CNTN3: variants seen among roughly 807,000 people sequenced by gnomAD.
CNTN3 encodes the protein contactin-3.
CNTN3 carries 60 observed loss-of-function variants against 119.1 expected under a neutral mutation model. That is an observed-to-expected ratio of 0.50 (90% confidence interval 0.41 to 0.62). The LOEUF is 0.62. Among genes scored for constraint, CNTN3 ranks in the 20% least tolerant of loss-of-function variants. CNTN3 has a pLI of 0.00. For synonymous variants in CNTN3, 450 were observed against 438.7 expected (o/e 1.03, Z -0.32); for missense variants, 1,101 against 1,242.4 (o/e 0.89, Z 1.71).
chr3:74,279,152 C>A (rs961337591), intron 20 of CNTN3, among the ~76,000 whole-genome samples: 1 of 152,058 alleles, frequency 6.6e-6, no homozygotes, highest in Non-Finnish European at 1.5e-5. Flanking sequence ...CACTTCTACA[C>A]TGCTGGTGGA....
chr3:74,327,966 T>C (rs987236017), intron 13 of CNTN3, among the ~76,000 whole-genome samples: 1 of 151,824 alleles, frequency 6.6e-6, no homozygotes, highest in Non-Finnish European at 1.5e-5. Flanking sequence ...TCTTCATTGG[T>C]ATATTCTGTA....
intron 3 of CNTN3, among the ~76,000 whole-genome samples, chr3:74,495,634 C>T (rs6549603): frequency 0.84 from 127,550 of 151,922 alleles, 54,196 homozygotes; most frequent in Non-Finnish European, 0.91. Context: ...GAATTTAGCA[C>T]ATTATTTTAT....
intron 13 of CNTN3, among the ~76,000 whole-genome samples, chr3:74,316,489 A>C (rs547558750): frequency 2.1e-4 from 32 of 152,310 alleles, no homozygotes; most frequent in African/African-American, 7.0e-4. Flanking sequence ...TACTAGGTAC[A>C]TAACCAGAGG....
At chr3:74,506,136 T>C (rs1703255255) in intron 2 of CNTN3, among the ~76,000 whole-genome samples, 1 of 152,182 alleles carries the variant, frequency 6.6e-6, no homozygotes, top group South Asian at 2.1e-4. Context: ...TCCACACATA[T>C]AAAAATATAT....
At chr3:74,410,750 T>C (rs79127980) in intron 5 of CNTN3, among the ~76,000 whole-genome samples, 2,293 of 152,222 alleles carry the variant, frequency 0.015, 35 homozygotes, top group Middle Eastern at 0.041. Context: ...TACAGATGAT[T>C]GATGGACTAG....
At chr3:74,460,779 ATAT>A (rs1702351557) in intron 4 of CNTN3, among the ~76,000 whole-genome samples, 1 of 5,264 alleles carries the variant, frequency 1.9e-4, no homozygotes, top group African/African-American at 1.2e-3. Context: ...TTTCATATAT[ATAT>A]ATATATATAT....
At chr3:74,343,400 G>A (rs1308745638) in intron 11 of CNTN3, among the ~76,000 whole-genome samples, 1 of 152,172 alleles carries the variant, frequency 6.6e-6, no homozygotes, top group Non-Finnish European at 1.5e-5. Flanking sequence ...CTTTCTCTGG[G>A]GAGTCATTAG....
At position 74,299,473 on chromosome 3, in the gene CNTN3, C is replaced by T. The variant is rs139143839; in HGVS notation, c.2166+395G>A. ...GCTGCTTGGAAAGTCATAAGGGGAG[C>T]TTGAGGGGCAACAGCCGCAACATAA... On this transcript the variant is annotated intron_variant, in intron 17 of 22. Coordinates refer to ENST00000263665, the MANE Select transcript of CNTN3 (RefSeq NM_020872.3). Among the ~76,000 whole-genome samples the T allele has an allele frequency of 2.5e-3, 383 of 152,244 alleles. 3 individuals are homozygous for T. The highest frequency in any genetic ancestry group is 8.7e-3 in the African/African-American group (363 of 41,532).
At chr3:74,533,242 A>G (rs1703717834) in intron 1 of CNTN3, among the ~76,000 whole-genome samples, 1 of 152,042 alleles carries the variant, frequency 6.6e-6, no homozygotes, top group Admixed American at 6.6e-5. Context: ...GGAGCTCTGG[A>G]AACCAACTGC....
rs1553683461 is a variant in CNTN3, at chr3:74,582,783, T to TTTTGTGTGTGTG, written c.-81+31607_-81+31608insCACACACACAAA. On this transcript the variant is annotated intron_variant, in intron 1 of 22. Transcript: ENST00000263665. Reference sequence around the variant, plus strand: ...ACCCATCAAGTGCATGTGTATGCATTTGTGTGTGTGTGTGTGTGTGTGTGT... The same window carrying TTTTGTGTGTGTG: ...ACCCATCAAGTGCATGTGTATGCATTTTTGTGTGTGTGTGTGTGTGTGTGTGTGTGTGTGTGT... Among the ~76,000 whole-genome samples the TTTTGTGTGTGTG allele has an allele frequency of 2.1e-5, 3 of 145,094 alleles. No homozygotes were observed. The East Asian group carries it at 6.1e-4, about 29-fold the overall frequency.
chr3:74,322,077 T>C (rs536546307), intron 13 of CNTN3, among the ~76,000 whole-genome samples: 32 of 151,412 alleles, frequency 2.1e-4, no homozygotes, highest in South Asian at 4.2e-4. Context: ...TCCCAGCTAC[T>C]TGGGGAGCTG....
At chr3:74,508,705 T>C (rs1703310197) in intron 2 of CNTN3, among the ~76,000 whole-genome samples, 1 of 152,162 alleles carries the variant, frequency 6.6e-6, no homozygotes, top group South Asian at 2.1e-4. Flanking sequence ...ATGTGCTTTA[T>C]CCTACTTTTA....
rs769666687 is a variant in CNTN3 at position 74,285,449 on chromosome 3, T to C, written c.2560A>G (p.Lys854Glu). 1 of 1,612,882 alleles carries C rather than the reference T, an allele frequency of 6.2e-7. No individual in the cohort carries two copies. The highest frequency in any genetic ancestry group is 8.5e-7 in the Non-Finnish European group (1 of 1,179,422). ...GTCTCATTTCCTGCCACTTTCATCT[T>C]ACTGGATGATTCCTCCTTTCCACCC... ...NGGGKEESSS[K>E]MKVAGNETSA... Residue 854 changes from lysine (K) to glutamate (E), a missense_variant, in exon 20 of 23, where the codon AAG becomes GAG. Physicochemically the swap from Lys to Glu is moderately conservative, Grantham distance 56. Transcript: ENST00000263665.
At chr3:74,440,287 T>C (rs1256184228) in intron 4 of CNTN3, among the ~76,000 whole-genome samples, 2 of 152,106 alleles carry the variant, frequency 1.3e-5, no homozygotes, top group Admixed American at 1.3e-4. Context: ...TATTAGTACA[T>C]AAATAGATGT....
At chr3:74,479,688 G>A (rs983691745) in intron 4 of CNTN3, among the ~76,000 whole-genome samples, 1 of 151,942 alleles carries the variant, frequency 6.6e-6, no homozygotes, top group Admixed American at 6.6e-5. Flanking sequence ...GTGTTGGGGG[G>A]TGGACACAGC....
At chr3:74,486,352 A>G (rs2107043261) in intron 4 of CNTN3, 104 bp downstream of exon 4, 1 of 1,019,460 alleles carries the variant, frequency 9.8e-7, no homozygotes, top group Non-Finnish European at 1.4e-6. Context: ...TATTTACTGA[A>G]TTAATAAAAC....
intron 1 of CNTN3, among the ~76,000 whole-genome samples, chr3:74,526,299 G>A (rs1703618369): frequency 6.6e-6 from 1 of 151,556 alleles, no homozygotes; most frequent in South Asian, 2.1e-4. Flanking sequence ...GATACCTTTG[G>A]GTGTTGTACT....
At position 74,372,117 on chromosome 3, in the gene CNTN3, G is replaced by A. The variant is rs117025732; in HGVS notation, c.455-718C>T. On this transcript the variant is annotated intron_variant, in intron 5 of 22. Transcript: ENST00000263665. ...ATTCTAAGCTTATTTCAACTAAAACGCTTATCAGTATGTAACATTCTGCTT... is the reference window on the plus strand; with the variant it reads ...ATTCTAAGCTTATTTCAACTAAAACACTTATCAGTATGTAACATTCTGCTT... Among the ~76,000 whole-genome samples the A allele has an allele frequency of 1.8e-4, 28 of 152,124 alleles. No individual in the cohort carries two copies. In the East Asian group the frequency reaches 3.3e-3, roughly 18 times the overall value.
chr3:74,288,154 C>CTTTTTTTTT (rs1299127961), intron 19 of CNTN3, among the ~76,000 whole-genome samples: 9 of 88,284 alleles, frequency 1.0e-4, no homozygotes, highest in East Asian at 1.5e-3. Flanking sequence ...CTTTTCTTTT[C>CTTTTTTTTT]TTTTCTTTTT....
Sources: allele counts gnomAD v4.1 joint callset (sites outside exome capture counted in the v4.1 genomes callset), GRCh38; gene constraint gnomAD v4.1.1; transcripts MANE v1.5; gene names NCBI Gene and HGNC (gene_info 2026-07-23, HGNC 2026-07-21).